RNF13: variants seen among roughly 807,000 people sequenced by gnomAD.
RNF13 encodes the protein E3 ubiquitin-protein ligase RNF13.
In RNF13, 19 loss-of-function variants were observed where a neutral mutation model predicts 37.7. The observed-to-expected ratio is 0.50, with a 90% CI of 0.35 to 0.74. The LOEUF is 0.74. RNF13 is among the 30% of genes least tolerant of loss of function. The pLI is 0.01. For synonymous variants in RNF13, 144 were observed against 157.8 expected, an observed-to-expected ratio of 0.91 and a Z score of 0.65; for missense variants, 375 against 453.0, an observed-to-expected ratio of 0.83 and a Z score of 1.56.
chr3:149,834,138 A>G (rs1047133608), intron 1 of RNF13, among the ~76,000 whole-genome samples: 1 of 152,254 alleles, frequency 6.6e-6, no homozygotes, highest in African/African-American at 2.4e-5. Flanking sequence ...TAGACATTCC[A>G]TGTTTATGGA....
intron 8 of RNF13, among the ~76,000 whole-genome samples, chr3:149,926,363 C>G (rs1256086063): frequency 6.6e-6 from 1 of 152,098 alleles, no homozygotes; most frequent in African/African-American, 2.4e-5. Context: ...AGGCGCCCGC[C>G]ACCATGCCTG....
intron 4 of RNF13, among the ~76,000 whole-genome samples, chr3:149,874,770 A>G (rs916222004): frequency 2.0e-5 from 3 of 152,286 alleles, no homozygotes; most frequent in Non-Finnish European, 4.4e-5. Flanking sequence ...TGGATCACCT[A>G]TCAAGGTAGT....
At position 149,960,100 on chromosome 3, in the gene RNF13, G is replaced by T; in HGVS notation, c.745G>T (p.Asp249Tyr). Residue 249 changes from aspartate (D) to tyrosine (Y), a missense_variant, in exon 9 of 10, where the codon GAT becomes TAT. Coordinates refer to ENST00000392894, the MANE Select transcript of RNF13 (RefSeq NM_183381.3). ...TGCCATTTGTTTGGATGAGTATGAA[G>T]ATGGAGACAAACTCAGAATCCTTCC... ...VCAICLDEYE[D>Y]GDKLRILPCS... The T allele has an allele frequency of 6.2e-7, 1 of 1,612,412 alleles. No homozygotes were observed. The highest frequency in any genetic ancestry group is 1.1e-5 in the South Asian group (1 of 91,056).
At chr3:149,817,970 C>G (rs1171131537) in intron 1 of RNF13, among the ~76,000 whole-genome samples, 1 of 152,122 alleles carries the variant, frequency 6.6e-6, no homozygotes, top group Non-Finnish European at 1.5e-5. Flanking sequence ...GGAAGGTTTT[C>G]TAGGGTTTGG....
At chr3:149,952,656 A>G (rs1178073706) in intron 8 of RNF13, among the ~76,000 whole-genome samples, 1 of 151,914 alleles carries the variant, frequency 6.6e-6, no homozygotes, top group Non-Finnish European at 1.5e-5. Flanking sequence ...CTGGCGTGCA[A>G]TAGTGTGATC....
At chr3:149,846,182 A>T (rs1204054610) in intron 2 of RNF13, 42 bp downstream of exon 2, 1 of 1,287,728 alleles carries the variant, frequency 7.8e-7, no homozygotes, top group Non-Finnish European at 1.1e-6. Flanking sequence ...AACATCCCTT[A>T]AAGAAAAGCT....
intron 2 of RNF13, among the ~76,000 whole-genome samples, chr3:149,852,243 A>T (rs569162486): frequency 6.6e-6 from 1 of 152,184 alleles, no homozygotes; most frequent in African/African-American, 2.4e-5. Flanking sequence ...GAAATTGTCT[A>T]TGGGAAAAAC....
intron 4 of RNF13, among the ~76,000 whole-genome samples, chr3:149,877,598 TCC>T (rs1712894369): frequency 6.6e-6 from 1 of 151,716 alleles, no homozygotes; most frequent in African/African-American, 2.4e-5. Context: ...ACATTACTTG[TCC>T]CCAGAACATA....
intron 1 of RNF13, among the ~76,000 whole-genome samples, 163 bp downstream of exon 1, chr3:149,813,516 G>A (rs6800483): frequency 0.022 from 3,352 of 152,284 alleles, 131 homozygotes; most frequent in African/African-American, 0.076. Context: ...TTTTGCAAAA[G>A]GAATAAAATA....
chr3:149,956,446 G>A (rs1368481333), intron 8 of RNF13, among the ~76,000 whole-genome samples: 1 of 152,160 alleles, frequency 6.6e-6, no homozygotes, highest in African/African-American at 2.4e-5. Context: ...CCACTGCCTT[G>A]GCTACCTAGG....
intron 8 of RNF13, among the ~76,000 whole-genome samples, chr3:149,934,413 T>C (rs1719476716): frequency 6.6e-6 from 1 of 152,122 alleles, no homozygotes; most frequent in South Asian, 2.1e-4. Flanking sequence ...CTTGTTTTTC[T>C]AGTTCCTTGA....
chr3:149,836,801 T>C (rs1266129083), intron 1 of RNF13, among the ~76,000 whole-genome samples: 2 of 152,172 alleles, frequency 1.3e-5, no homozygotes, highest in Non-Finnish European at 2.9e-5. Flanking sequence ...GTACATATAA[T>C]GGAATATTAC....
At chr3:149,953,470 G>A (rs973938011) in intron 8 of RNF13, among the ~76,000 whole-genome samples, 3 of 152,160 alleles carry the variant, frequency 2.0e-5, no homozygotes, top group African/African-American at 7.2e-5. Flanking sequence ...ATAAAAAATG[G>A]TCTTCATCCC....
chr3:149,891,278 T>A (rs1423177314), intron 4 of RNF13, among the ~76,000 whole-genome samples: 1 of 152,220 alleles, frequency 6.6e-6, no homozygotes, highest in Non-Finnish European at 1.5e-5. Context: ...TATAAAGCAC[T>A]AGCACACAGA....
intron 3 of RNF13, 121 bp from the exon 4 acceptor site, chr3:149,871,908 T>C: frequency 1.5e-6 from 1 of 650,776 alleles, no homozygotes; most frequent in African/African-American, 1.9e-5. Context: ...CAATTTTACA[T>C]GCCCAATGAT....
At chr3:149,892,965 A>G in intron 4 of RNF13, among the ~76,000 whole-genome samples, 1 of 152,218 alleles carries the variant, frequency 6.6e-6, no homozygotes, top group East Asian at 1.9e-4. Context: ...AGGACAGGGC[A>G]AGCTTCATGG....
chr3:149,911,869 A>G, intron 6 of RNF13, 109 bp from the exon 7 acceptor site: 1 of 659,526 alleles, frequency 1.5e-6, no homozygotes, highest in Non-Finnish European at 2.7e-6. Context: ...AGTGGATTTA[A>G]TTGTAATGTC....
chr3:149,863,368 T>C (rs776771997), intron 3 of RNF13, among the ~76,000 whole-genome samples: 1 of 152,176 alleles, frequency 6.6e-6, no homozygotes, highest in Admixed American at 6.5e-5. Context: ...AAAGAATTCC[T>C]CTTAGTCTTG....
At chr3:149,892,745 A>G (rs1199022410) in intron 4 of RNF13, among the ~76,000 whole-genome samples, 1 of 152,204 alleles carries the variant, frequency 6.6e-6, no homozygotes, top group East Asian at 1.9e-4. Flanking sequence ...GAGGTGGAAC[A>G]GTTTCATTCT....
Sources: allele counts gnomAD v4.1 joint callset (sites outside exome capture counted in the v4.1 genomes callset), GRCh38; gene constraint gnomAD v4.1.1; transcripts MANE v1.5; gene names NCBI Gene and HGNC (gene_info 2026-07-23, HGNC 2026-07-21).